The following COL23A1 variants were observed in gnomAD, a reference collection of about 807,000 sequenced individuals.
The protein encoded by COL23A1 is collagen alpha-1(XXIII) chain.
A neutral mutation model predicts 99.3 loss-of-function variants in COL23A1; 97 were observed. The observed-to-expected ratio is 0.98, with a 90% CI of 0.83 to 1.16. The LOEUF is 1.16. Ranked by LOEUF, COL23A1 falls within the 50% of genes most tolerant of loss-of-function variation. The pLI, the probability that COL23A1 is intolerant of heterozygous loss-of-function variation, is 0.00. For missense variants in COL23A1, 762 were observed against 757.4 expected, an observed-to-expected ratio of 1.01 and a Z score of -0.07; for synonymous variants, 320 against 308.2, an observed-to-expected ratio of 1.04 and a Z score of -0.40.
intron 2 of COL23A1, among the ~76,000 whole-genome samples, chr5:178,312,786 A>C (rs899041203): frequency 6.6e-6 from 1 of 150,826 alleles, no homozygotes; most frequent in African/African-American, 2.5e-5. Context: ...TCCTCCCTTC[A>C]GCCAGCCCCT....
chr5:178,458,916 A>G (rs1374012502), intron 2 of COL23A1, among the ~76,000 whole-genome samples: 1 of 152,184 alleles, frequency 6.6e-6, no homozygotes, highest in Non-Finnish European at 1.5e-5. Context: ...CAGGAAATAC[A>G]GGGGCAGAGG....
At chr5:178,501,475 G>A (rs1037855023) in intron 2 of COL23A1, among the ~76,000 whole-genome samples, 1 of 152,022 alleles carries the variant, frequency 6.6e-6, no homozygotes, top group Non-Finnish European at 1.5e-5. Flanking sequence ...CAGCTACTCG[G>A]GAGGCTGAGG....
chr5:178,379,657 G>A (rs574829629), intron 2 of COL23A1, among the ~76,000 whole-genome samples: 13 of 152,122 alleles, frequency 8.5e-5, no homozygotes, highest in Non-Finnish European at 1.5e-4. Flanking sequence ...CGAGGTGGGC[G>A]GATCACCGGA....
intron 2 of COL23A1, among the ~76,000 whole-genome samples, chr5:178,420,368 TTTC>T (rs1478417565): frequency 1.8e-5 from 2 of 111,516 alleles, no homozygotes; most frequent in African/African-American, 7.2e-5. Context: ...CCCTCCTCTC[TTTC>T]CTCCTCCCCT....
intron 2 of COL23A1, among the ~76,000 whole-genome samples, chr5:178,520,104 ATGG>A (rs1225449601): frequency 3.9e-5 from 6 of 152,164 alleles, no homozygotes; most frequent in African/African-American, 1.4e-4. Context: ...AGATGGATAG[ATGG>A]TCTGATAAAT....
At chr5:178,537,761 G>A (rs889097860) in intron 2 of COL23A1, among the ~76,000 whole-genome samples, 26 of 152,246 alleles carry the variant, frequency 1.7e-4, no homozygotes, top group African/African-American at 5.8e-4. Flanking sequence ...TGAAACGTGC[G>A]CGGCACGACG....
intron 2 of COL23A1, among the ~76,000 whole-genome samples, chr5:178,335,862 G>A (rs1760289498): frequency 6.6e-6 from 1 of 152,228 alleles, no homozygotes; most frequent in South Asian, 2.1e-4. Flanking sequence ...ATGCCAGTTT[G>A]CTCACTATAT....
intron 2 of COL23A1, among the ~76,000 whole-genome samples, chr5:178,372,374 TGTTGGC>T (rs1287066229): frequency 6.6e-6 from 1 of 152,192 alleles, no homozygotes; most frequent in Non-Finnish European, 1.5e-5. Context: ...CTGACTCTGG[TGTTGGC>T]GTTAGCCCTG....
At chr5:178,443,859 T>C (rs1019168105) in intron 2 of COL23A1, among the ~76,000 whole-genome samples, 4 of 152,176 alleles carry the variant, frequency 2.6e-5, no homozygotes, top group African/African-American at 4.8e-5. Flanking sequence ...TTTTGAACTA[T>C]GCTGTCATCT....
At chr5:178,454,622 C>T (rs1767667011) in intron 2 of COL23A1, among the ~76,000 whole-genome samples, 1 of 152,200 alleles carries the variant, frequency 6.6e-6, no homozygotes. Flanking sequence ...CTCAGAAGAG[C>T]AGGCTCCCAG....
chr5:178,369,782 C>T (rs1762704989), intron 2 of COL23A1, among the ~76,000 whole-genome samples: 3 of 152,182 alleles, frequency 2.0e-5, no homozygotes, highest in Middle Eastern at 3.2e-3. Flanking sequence ...TCCATTAAAT[C>T]TCTTTCTTTT....
intron 1 of COL23A1, among the ~76,000 whole-genome samples, chr5:178,572,446 A>C (rs262065): frequency 0.18 from 27,708 of 150,348 alleles, 4,762 homozygotes; most frequent in African/African-American, 0.43. Context: ...AGCACACACA[A>C]AAAAAAATCA....
rs144713313 is a variant in COL23A1 at position 178,507,378 on chromosome 5, G to A, written c.361+53304C>T. Among the ~76,000 whole-genome samples the A allele has an allele frequency of 6.6e-5, 10 of 152,278 alleles. No individual in the cohort carries two copies. The East Asian group carries it at 1.7e-3, about 26-fold the overall frequency. ...TGCTGCAAGGTACAGTCCTGTTCACGTGTAAGTTCATGCTTTTGGGAAGAC... is the reference window on the plus strand; with the variant it reads ...TGCTGCAAGGTACAGTCCTGTTCACATGTAAGTTCATGCTTTTGGGAAGAC... On this transcript the variant is annotated intron_variant, in intron 2 of 28. Coordinates refer to ENST00000390654, the MANE Select transcript of COL23A1 (RefSeq NM_173465.4).
chr5:178,559,004 G>T (rs1031454543), intron 2 of COL23A1, among the ~76,000 whole-genome samples: 1 of 152,142 alleles, frequency 6.6e-6, no homozygotes, highest in African/African-American at 2.4e-5. Context: ...TGGCCAGACT[G>T]CTCTCGAACT....
In COL23A1 at chr5:178,384,022, A is replaced by G. The variant is rs1430618794; in HGVS notation, c.362-77103T>C. Among the ~76,000 whole-genome samples, 3 of 152,236 alleles carry G rather than the reference A, an allele frequency of 2.0e-5. No homozygotes were observed. Among genetic ancestry groups the G allele is most frequent in the Non-Finnish European group, 4.4e-5 (3 of 68,038 alleles). Reference sequence around the variant, plus strand: ...GCCACGCTGTGTGACACGGGGGCCCAGGACTCCACCAGGCGGCCTGTGCAA... The same window carrying G: ...GCCACGCTGTGTGACACGGGGGCCCGGGACTCCACCAGGCGGCCTGTGCAA... On this transcript the variant is annotated intron_variant, in intron 2 of 28. Transcript: ENST00000390654. The surrounding 1 kb of genome is among the most constrained non-coding windows in gnomAD (Gnocchi z 5.5).
chr5:178,349,647 TTC>T (rs1162215569), intron 2 of COL23A1, among the ~76,000 whole-genome samples: 3 of 152,138 alleles, frequency 2.0e-5, no homozygotes, highest in African/African-American at 4.8e-5. Context: ...TTTTTTTGTC[TTC>T]TGTCTCCCTT....
At chr5:178,379,718 C>T (rs187352896) in intron 2 of COL23A1, among the ~76,000 whole-genome samples, 2 of 152,032 alleles carry the variant, frequency 1.3e-5, no homozygotes, top group East Asian at 3.9e-4. Context: ...CTTGTCTCTA[C>T]TAAAAATACA....
At chr5:178,586,899 A>T (rs973771594) in intron 1 of COL23A1, among the ~76,000 whole-genome samples, 4 of 152,236 alleles carry the variant, frequency 2.6e-5, no homozygotes, top group African/African-American at 9.6e-5. Flanking sequence ...AGAGTTGATA[A>T]GAGAAAAGGA....
intron 2 of COL23A1, among the ~76,000 whole-genome samples, chr5:178,397,832 C>T (rs915010643): frequency 6.6e-6 from 1 of 152,076 alleles, no homozygotes; most frequent in African/African-American, 2.4e-5. Context: ...ACTAAAAATA[C>T]AAAACTTAGC....
Sources: gnomAD v4.1 joint callset for allele counts (sites outside exome capture counted in the v4.1 genomes callset) on GRCh38, gnomAD v4.1.1 for gene constraint, Gnocchi (gnomAD v3.1) non-coding constraint, MANE v1.5 for transcripts, NCBI Gene and HGNC (gene_info 2026-07-23, HGNC 2026-07-21) for gene names.